HEG1: variants seen among roughly 807,000 people sequenced by gnomAD.
HEG1 encodes protein HEG homolog 1.
Under a neutral mutation model 125.6 loss-of-function variants are expected in HEG1, and 56 were observed. The ratio of observed to expected loss-of-function variants is 0.45; its 90% CI spans 0.36 to 0.56. The LOEUF is 0.56. Among genes scored for constraint, HEG1 ranks in the 20% least tolerant of loss-of-function variants. HEG1 has a pLI of 0.00. For missense variants in HEG1, 1,523 were observed against 1,670.0 expected (o/e 0.91, Z 1.53); for synonymous variants, 644 against 668.5 (o/e 0.96, Z 0.57).
chr3:124,977,282 A>T (rs753352135), intron 15 of HEG1, among the ~76,000 whole-genome samples: 1 of 152,216 alleles, frequency 6.6e-6, no homozygotes, highest in Non-Finnish European at 1.5e-5. Flanking sequence ...TGTCTTTATC[A>T]GCAGTATAAA....
At chr3:125,050,982 T>C (rs1937793153) in intron 1 of HEG1, among the ~76,000 whole-genome samples, 1 of 152,236 alleles carries the variant, frequency 6.6e-6, no homozygotes, top group Non-Finnish European at 1.5e-5. Flanking sequence ...CCTCGCCTCC[T>C]ACTGGGCAGG....
At chr3:125,050,476 G>C (rs1293470053) in intron 1 of HEG1, among the ~76,000 whole-genome samples, 1 of 152,100 alleles carries the variant, frequency 6.6e-6, no homozygotes, top group Non-Finnish European at 1.5e-5. Flanking sequence ...CCACATCCCA[G>C]TCAACTTTCA....
At chr3:125,019,115 A>G in intron 5 of HEG1, 147 bp downstream of exon 5, 1 of 636,960 alleles carries the variant, frequency 1.6e-6, no homozygotes, top group Non-Finnish European at 2.7e-6. Context: ...TGATCCACCC[A>G]CCTCGGCCTC....
chr3:125,031,742 ACACACATACACATG>A (rs1937505781), intron 1 of HEG1, among the ~76,000 whole-genome samples: 1 of 151,790 alleles, frequency 6.6e-6, no homozygotes, highest in South Asian at 2.1e-4. Context: ...GCACACATAC[ACACACATACACATG>A]CACACATACA....
At position 124,977,460 on chromosome 3, in the gene HEG1, T is replaced by C. The variant is rs142367592; in HGVS notation, c.3821+399A>G. ...AGTTGTAAGAGTTCCTTCTATATTCTAGATACAAGTCCCTTATTAGACACA... is the reference window on the plus strand; with the variant it reads ...AGTTGTAAGAGTTCCTTCTATATTCCAGATACAAGTCCCTTATTAGACACA... On this transcript the variant is annotated intron_variant, in intron 15 of 16. Transcript: ENST00000311127. 5.2e-3 allele frequency among the ~76,000 whole-genome samples: 797 copies of C among 152,348 alleles called. 8 individuals are homozygous for C. The highest frequency in any genetic ancestry group is 0.018 in the African/African-American group (743 of 41,576).
In HEG1 at chr3:125,055,820, G is replaced by C. The variant is rs1249086741; in HGVS notation, c.71C>G (p.Pro24Arg). 1.1e-6 allele frequency: 1 copy of C among 949,596 alleles called. No individual in the cohort carries two copies. The highest frequency in any genetic ancestry group is 6.5e-5 in the Admixed American group (1 of 15,406). 58.8% of individuals were successfully genotyped at this position (949,596 alleles called of 1,614,324 possible). ...LLLLLPLLLLPPAAPGTRDPP... is the reference protein window; with the variant it reads ...LLLLLPLLLLRPAAPGTRDPP... ...GTCCCGCGTCCCGGGGGCCGCCGGC[G>C]GCAGCAGCAGCAGCGGCAGCAACAG... The change falls in exon 1 of 17, where the codon CCG becomes CGG. Residue 24 changes from proline (P) to arginine (R), a missense_variant. Coordinates refer to ENST00000311127, the MANE Select transcript of HEG1 (RefSeq NM_020733.2).
chr3:125,029,120 TG>T, intron 2 of HEG1, 74 bp downstream of exon 2: 3 of 1,478,616 alleles, frequency 2.0e-6, no homozygotes, highest in Non-Finnish European at 1.8e-6. Flanking sequence ...AATGGGGTTG[TG>T]GGGAATGGCA....
At chr3:124,975,967 G>A (rs1166009456) in intron 15 of HEG1, among the ~76,000 whole-genome samples, 1 of 152,160 alleles carries the variant, frequency 6.6e-6, no homozygotes, top group Non-Finnish European at 1.5e-5. Context: ...TGTAAATAAT[G>A]TTGCTGTGAA....
intron 5 of HEG1, among the ~76,000 whole-genome samples, chr3:125,016,559 C>T (rs1248622092): frequency 6.6e-6 from 1 of 152,138 alleles, no homozygotes; most frequent in Non-Finnish European, 1.5e-5. Flanking sequence ...AAAATGATTC[C>T]TTTTGCTTAG....
intron 1 of HEG1, 100 bp downstream of exon 1, chr3:125,055,475 C>A: frequency 1.2e-6 from 1 of 824,314 alleles, no homozygotes. Context: ...CACCCTGGGT[C>A]GCGCCGCGCG....
intron 2 of HEG1, 146 bp downstream of exon 2, chr3:125,029,049 G>T: frequency 2.7e-6 from 2 of 731,386 alleles, no homozygotes; most frequent in Non-Finnish European, 4.4e-6. Flanking sequence ...TACATATGAG[G>T]CCTAAGTCAC....
chr3:125,019,172 T>C (rs1185211336), intron 5 of HEG1, 90 bp downstream of exon 5: 28 of 1,091,736 alleles, frequency 2.6e-5, no homozygotes, highest in Non-Finnish European at 3.8e-5. Flanking sequence ...TAGGCCCTCA[T>C]GCGTGGTTTT....
At chr3:125,008,573 G>A (rs1377186729) in intron 8 of HEG1, among the ~76,000 whole-genome samples, 7 of 152,244 alleles carry the variant, frequency 4.6e-5, no homozygotes, top group Non-Finnish European at 1.5e-5. Flanking sequence ...GGCCAAGGCA[G>A]GCAGATCACT....
chr3:124,998,164 G>A (rs947878917), intron 11 of HEG1, among the ~76,000 whole-genome samples: 2 of 152,112 alleles, frequency 1.3e-5, no homozygotes, highest in African/African-American at 2.4e-5. Flanking sequence ...TAATGGCCCC[G>A]TGTCTTCCAA....
At chr3:125,001,294 T>A (rs1033242445) in intron 11 of HEG1, among the ~76,000 whole-genome samples, 1 of 152,100 alleles carries the variant, frequency 6.6e-6, no homozygotes, top group African/African-American at 2.4e-5. Flanking sequence ...GGTTGTTTAT[T>A]CTGTTTTTTG....
At chr3:125,010,703 GGGTTTCCCAGA>G in intron 6 of HEG1, 148 bp from the exon 7 acceptor site, 1 of 619,880 alleles carries the variant, frequency 1.6e-6, no homozygotes, top group Admixed American at 2.8e-5. Context: ...AAAGTAAAAT[GGGTTTCCCAGA>G]GGTGCATTGG....
chr3:124,999,833 TC>T (rs1936975719), intron 11 of HEG1, among the ~76,000 whole-genome samples: 1 of 152,292 alleles, frequency 6.6e-6, no homozygotes, highest in Non-Finnish European at 1.5e-5. Flanking sequence ...TCTAAGTAAA[TC>T]TAAAGCTGAG....
rs750359075 is a variant in HEG1, at chr3:125,001,970, G to C, written c.3399C>G (p.Ser1133=). ...AVVISLQTTF[S]LASNVTLFDL... The stretch of plus-strand genomic sequence containing the variant: ...CAAATAGCGTCACATTGGAGGCCAG[G>C]GAAAAGGTTGTTTGCAGTGAGATCA... The change falls in exon 11 of 17, where the codon TCC becomes TCG. Residue 1133 remains serine (S), a synonymous_variant. Coordinates refer to ENST00000311127, the MANE Select transcript of HEG1 (RefSeq NM_020733.2). 1 of 1,614,000 alleles carries C rather than the reference G, an allele frequency of 6.2e-7. No individual in the cohort carries two copies. The highest frequency in any genetic ancestry group is 8.5e-7 in the Non-Finnish European group (1 of 1,179,898).
intron 3 of HEG1, among the ~76,000 whole-genome samples, chr3:125,024,927 A>G (rs1438655570): frequency 2.6e-5 from 4 of 152,228 alleles, no homozygotes; most frequent in Admixed American, 2.6e-4. Context: ...CGCATCACTC[A>G]TCGGACTGGT....
Sources: allele counts gnomAD v4.1 joint callset (sites outside exome capture counted in the v4.1 genomes callset), GRCh38; gene constraint gnomAD v4.1.1; transcripts MANE v1.5; gene names NCBI Gene and HGNC (gene_info 2026-07-23, HGNC 2026-07-21).